Variants in RASGRP3 observed in about 807,000 individuals in gnomAD.
The protein encoded by RASGRP3 is RAS guanyl releasing protein 3, also known as ras guanyl-releasing protein 3.
Under a neutral mutation model 82.7 loss-of-function variants are expected in RASGRP3, and 54 were observed. That is an observed-to-expected ratio of 0.65 (90% CI 0.52 to 0.82). The LOEUF (loss-of-function observed/expected upper bound fraction) is 0.82. Among genes scored for constraint, RASGRP3 ranks in the 40% least tolerant of loss-of-function variants. RASGRP3 has a pLI of 0.00. For synonymous variants in RASGRP3, 309 were observed against 300.5 expected, an observed-to-expected ratio of 1.03 and a Z score of -0.29; for missense variants, 861 against 828.9, an observed-to-expected ratio of 1.04 and a Z score of -0.48.
intron 1 of RASGRP3, among the ~76,000 whole-genome samples, chr2:33,489,003 T>G (rs901834904): frequency 6.6e-6 from 1 of 152,126 alleles, no homozygotes; most frequent in African/African-American, 2.4e-5. Flanking sequence ...TCAGTCTATA[T>G]CAGTGGTTCT....
At chr2:33,440,557 A>G (rs1005069110) in intron 1 of RASGRP3, among the ~76,000 whole-genome samples, 1 of 152,226 alleles carries the variant, frequency 6.6e-6, no homozygotes, top group Admixed American at 6.5e-5. Flanking sequence ...GTTTTTAGCC[A>G]GGTTCCAGGT....
intron 14 of RASGRP3, among the ~76,000 whole-genome samples, chr2:33,553,244 C>G (rs571139512): frequency 5.6e-4 from 86 of 152,302 alleles, no homozygotes; most frequent in African/African-American, 2.0e-3. Context: ...GTCTTTCCCT[C>G]AAGTGACACA....
At chr2:33,532,707 A>G (rs1449883332) in intron 10 of RASGRP3, 1 of 152,192 alleles carries the variant, frequency 6.6e-6, no homozygotes, top group Non-Finnish European at 1.5e-5. Flanking sequence ...GGGAGATTTT[A>G]CAGTTAAGTC....
intron 1 of RASGRP3, among the ~76,000 whole-genome samples, chr2:33,501,400 T>G (rs1383915376): frequency 6.6e-6 from 1 of 152,208 alleles, no homozygotes; most frequent in Non-Finnish European, 1.5e-5. Flanking sequence ...TCAATTCTCT[T>G]GGGTATGTAC....
At chr2:33,552,923 G>A (rs1205705724) in intron 14 of RASGRP3, among the ~76,000 whole-genome samples, 3 of 152,006 alleles carry the variant, frequency 2.0e-5, no homozygotes, top group Non-Finnish European at 4.4e-5. Context: ...TCAAATCAAA[G>A]GACTGTGGGA....
rs1012272113 is a variant in RASGRP3, at chr2:33,562,999, T to C, written c.*262T>C. On this transcript the variant is annotated 3_prime_UTR_variant, in exon 18 of 18. Coordinates refer to ENST00000403687, the MANE Select transcript of RASGRP3 (RefSeq NM_001139488.2). ...CTGTGTTATGTAGTCAGTACTTTTT[T>C]CTCATGTATCTTTCTCTAGACCATT... 2.0e-6 allele frequency: 1 copy of C among 487,858 alleles called. No homozygotes were observed. Among genetic ancestry groups the C allele is most frequent in the African/African-American group, 2.0e-5 (1 of 50,484 alleles). 30.2% of individuals were successfully genotyped at this position (487,858 alleles called of 1,614,324 possible).
chr2:33,477,202 G>C (rs917966697), intron 1 of RASGRP3, among the ~76,000 whole-genome samples: 5 of 152,150 alleles, frequency 3.3e-5, no homozygotes, highest in African/African-American at 7.2e-5. Flanking sequence ...TTCAATTTTT[G>C]AGAATATCTC....
At chr2:33,562,453 T>C (rs1676778336) in intron 17 of RASGRP3, among the ~76,000 whole-genome samples, 1 of 151,718 alleles carries the variant, frequency 6.6e-6, no homozygotes, top group Non-Finnish European at 1.5e-5. Flanking sequence ...TATTTTTTTG[T>C]AGAGACGGGG....
intron 17 of RASGRP3, 64 bp downstream of exon 17, chr2:33,559,094 G>A (rs2278955): frequency 0.35 from 472,336 of 1,343,112 alleles, 85,830 homozygotes; most frequent in Middle Eastern, 0.4. Context: ...TGAGATGAGC[G>A]TTACAGAGGG....
chr2:33,558,437 T>C, intron 16 of RASGRP3, 101 bp downstream of exon 16: 1 of 1,559,108 alleles, frequency 6.4e-7, no homozygotes, highest in Non-Finnish European at 8.7e-7. Context: ...TCAGTCACTC[T>C]AAACGCTAAG....
intron 12 of RASGRP3, among the ~76,000 whole-genome samples, chr2:33,540,358 C>T (rs1370320715): frequency 6.9e-6 from 1 of 145,960 alleles, no homozygotes; most frequent in Admixed American, 7.1e-5. Context: ...TAGTAACAGA[C>T]CCAGCTTGGA....
chr2:33,478,669 CAA>C (rs1247843163), intron 1 of RASGRP3, among the ~76,000 whole-genome samples: 1 of 152,146 alleles, frequency 6.6e-6, no homozygotes, highest in Non-Finnish European at 1.5e-5. Flanking sequence ...TCCATTGACT[CAA>C]AGACTTTTTG....
intron 15 of RASGRP3, 87 bp from the exon 16 acceptor site, chr2:33,558,124 G>C: frequency 6.7e-7 from 1 of 1,503,450 alleles, no homozygotes. Flanking sequence ...GGTGGGGGAG[G>C]GGAGGGCTGA....
intron 1 of RASGRP3, among the ~76,000 whole-genome samples, chr2:33,438,478 C>T (rs765442095): frequency 6.6e-6 from 1 of 151,554 alleles, no homozygotes; most frequent in Non-Finnish European, 1.5e-5. Context: ...AGAAGAATCG[C>T]TTGAACCCAG....
intron 2 of RASGRP3, among the ~76,000 whole-genome samples, chr2:33,460,227 G>A (rs1423186032): frequency 6.6e-6 from 1 of 152,140 alleles, no homozygotes; most frequent in Non-Finnish European, 1.5e-5. Context: ...AAATCTATAT[G>A]ATTGACTTTG....
At position 33,562,768 on chromosome 2, in the gene RASGRP3, G is replaced by T. The variant is rs1676827214; in HGVS notation, c.*31G>T. On this transcript the variant is annotated 3_prime_UTR_variant, in exon 18 of 18. Transcript: ENST00000403687. ...GGCTGCGGAAACTGAAGGCAATAAT[G>T]TTGGCTTTTGGAAGGGGCAAGACGA... 2 of 1,611,532 alleles carry T rather than the reference G, an allele frequency of 1.2e-6. No homozygotes were observed. Among genetic ancestry groups the T allele is most frequent in the Non-Finnish European group, 1.7e-6 (2 of 1,177,806 alleles).
chr2:33,449,698 G>T (rs970030387), intron 2 of RASGRP3, among the ~76,000 whole-genome samples: 6 of 152,104 alleles, frequency 3.9e-5, no homozygotes, highest in Non-Finnish European at 7.4e-5. Flanking sequence ...GGCAGAGGTT[G>T]CAGTGAGCCG....
Position 33,499,740 on chromosome 2 carries a change from A to C in RASGRP3, c.-260-11970A>C, listed in dbSNP as rs554516803. On this transcript the variant is annotated intron_variant, in intron 1 of 17. Transcript: ENST00000403687. Reference sequence around the variant, plus strand: ...TCTTGAGCTATACTCAGAGAATTACATGCCCCATTAAAATATCAAATCCAA... The same window carrying C: ...TCTTGAGCTATACTCAGAGAATTACCTGCCCCATTAAAATATCAAATCCAA... Among the ~76,000 whole-genome samples, 4 of 150,786 alleles carry C rather than the reference A, an allele frequency of 2.7e-5. No individual in the cohort carries two copies. The South Asian group carries it at 8.4e-4, about 32-fold the overall frequency.
chr2:33,539,434 T>C (rs62149022), intron 12 of RASGRP3: 161,241 of 418,532 alleles, frequency 0.39, 33,541 homozygotes, highest in Middle Eastern at 0.47. Flanking sequence ...TACTCTCAGC[T>C]ACTTCCAGCT....
Sources: gnomAD v4.1 joint callset for allele counts (sites outside exome capture counted in the v4.1 genomes callset) on GRCh38, gnomAD v4.1.1 for gene constraint, MANE v1.5 for transcripts, NCBI Gene and HGNC (gene_info 2026-07-23, HGNC 2026-07-21) for gene names.